ABCC9: variants seen among roughly 807,000 people sequenced by gnomAD.
ABCC9 encodes the protein ATP-binding cassette sub-family C member 9.
Under a neutral mutation model 188.3 loss-of-function variants are expected in ABCC9, and 95 were observed. The ratio of observed to expected loss-of-function variants is 0.50; its 90% confidence interval spans 0.43 to 0.60. The LOEUF (loss-of-function observed/expected upper bound fraction) is 0.60, where lower values mean the gene tolerates loss of function less well. Ranked by LOEUF, ABCC9 falls within the 20% of genes least tolerant of loss-of-function variation. The pLI, the probability that ABCC9 is intolerant of heterozygous loss-of-function variation, is 0.00. For missense variants in ABCC9, 1,102 were observed against 1,876.3 expected, an observed-to-expected ratio of 0.59 and a Z score of 7.62; for synonymous variants, 659 against 652.7, an observed-to-expected ratio of 1.01 and a Z score of -0.15.
At chr12:21,892,619 C>CTA (rs1296099858) in intron 14 of ABCC9, among the ~76,000 whole-genome samples, 2 of 152,184 alleles carry the variant, frequency 1.3e-5, no homozygotes, top group African/African-American at 2.4e-5. Context: ...GGCTTGAGCT[C>CTA]TAGACACTAA....
intron 18 of ABCC9, among the ~76,000 whole-genome samples, chr12:21,865,990 G>A (rs969706996): frequency 6.6e-6 from 1 of 151,330 alleles, no homozygotes; most frequent in African/African-American, 2.4e-5. Context: ...AGAGCACCAA[G>A]CCACTTTTAG....
intron 16 of ABCC9, among the ~76,000 whole-genome samples, chr12:21,877,749 T>C (rs796368788): frequency 1.3e-5 from 2 of 152,184 alleles, no homozygotes; most frequent in East Asian, 3.9e-4. Flanking sequence ...GACAGCTGCA[T>C]AGCTACTGTA....
chr12:21,868,408 G>C (rs983568507), intron 18 of ABCC9, among the ~76,000 whole-genome samples: 8 of 152,194 alleles, frequency 5.3e-5, no homozygotes, highest in African/African-American at 1.9e-4. Flanking sequence ...GGGAGGCCGA[G>C]ACAGGCGGAT....
At chr12:21,930,402 T>A (rs1330597008) in intron 4 of ABCC9, among the ~76,000 whole-genome samples, 5 of 152,006 alleles carry the variant, frequency 3.3e-5, no homozygotes, top group Non-Finnish European at 7.4e-5. Context: ...AAATTCAAAT[T>A]TTTTTTTACA....
At chr12:21,937,297 C>T (rs916956253) in intron 2 of ABCC9, among the ~76,000 whole-genome samples, 4 of 152,140 alleles carry the variant, frequency 2.6e-5, no homozygotes, top group African/African-American at 4.8e-5. Context: ...GACAAGTCAA[C>T]GAAACTACTC....
intron 25 of ABCC9, 63 bp downstream of exon 25, chr12:21,848,087 A>T: frequency 6.8e-7 from 1 of 1,460,990 alleles, no homozygotes; most frequent in Non-Finnish European, 9.6e-7. Flanking sequence ...ACACTCACAC[A>T]TAAAAAACCC....
intron 12 of ABCC9, among the ~76,000 whole-genome samples, chr12:21,900,954 C>T (rs1038259443): frequency 1.2e-4 from 19 of 152,052 alleles, no homozygotes; most frequent in Admixed American, 5.9e-4. Context: ...ATACAGAGAA[C>T]GCCACAAAGA....
rs144825585 is a variant in ABCC9 at position 21,926,079 on chromosome 12, C to T, written c.285-16G>A. ...TTCCCGCCGCCTAGAAAGAGCAGTA[C>T]GTCAACGCCTAAAGCTGATGGTTCC... On this transcript the variant is annotated splice_polypyrimidine_tract_variant and intron_variant, in intron 4 of 39. Transcript: ENST00000261200. 1,292 of 1,613,852 alleles carry T rather than the reference C, an allele frequency of 8.0e-4. 7 individuals carry two copies. In the African/African-American group the frequency reaches 0.013, roughly 17 times the overall value.
intron 30 of ABCC9, among the ~76,000 whole-genome samples, chr12:21,837,589 C>A (rs1944166954): frequency 6.6e-6 from 1 of 151,990 alleles, no homozygotes; most frequent in African/African-American, 2.4e-5. Flanking sequence ...GTTTACAAAC[C>A]TTGAAGAAAA....
Position 21,823,175 on chromosome 12 carries a change from T to C in ABCC9, c.3670-4924A>G, listed in dbSNP as rs532399613. ...ACATTCAAAAGAGGGCTTTTATCTG[T>C]AGAATAGTAAATTACAGCTTCCATC... On this transcript the variant is annotated intron_variant, in intron 31 of 39. Coordinates refer to ENST00000261200, the MANE Select transcript of ABCC9 (RefSeq NM_020297.4). Among the ~76,000 whole-genome samples, 11 of 152,328 alleles carry C rather than the reference T, an allele frequency of 7.2e-5. No homozygotes were observed. In the South Asian group the frequency reaches 1.2e-3, roughly 17 times the overall value.
intron 7 of ABCC9, among the ~76,000 whole-genome samples, chr12:21,915,466 G>A (rs1179098431): frequency 4.3e-4 from 3 of 7,038 alleles, no homozygotes; most frequent in South Asian, 7.5e-3. Context: ...GTGTGTATAT[G>A]TGTGTGTATA....
intron 24 of ABCC9, 60 bp downstream of exon 24, chr12:21,852,037 T>G (rs1479954635): frequency 1.7e-5 from 27 of 1,594,442 alleles, no homozygotes; most frequent in Non-Finnish European, 2.2e-5. Flanking sequence ...TCTTAGTAAT[T>G]AGTAAATTTC....
At position 21,797,409 on chromosome 12, in the gene ABCC9, A is replaced by G. The variant is rs2033440616; in HGVS notation, c.*3635T>C. On this transcript the variant is annotated 3_prime_UTR_variant, in exon 40 of 40. Transcript: ENST00000261200. The stretch of plus-strand genomic sequence containing the variant: ...CCCTCTTTAAGCAAATAAAAGAGTA[A>G]TTTAATTATGTAATAGTAGTCCAAT... 1.3e-5 allele frequency: 2 copies of G among 152,208 alleles called. No homozygotes were observed. The allele number at this position is 152,208 out of a possible 1,614,324, so 9.4% of individuals were successfully genotyped here.
At chr12:21,868,839 C>A (rs561207661) in intron 18 of ABCC9, among the ~76,000 whole-genome samples, 1 of 152,104 alleles carries the variant, frequency 6.6e-6, no homozygotes, top group Non-Finnish European at 1.5e-5. Context: ...TCAATAATTT[C>A]TAAATTAGCT....
Position 21,799,776 on chromosome 12 carries a change from C to CA in ABCC9, c.*1267dup, listed in dbSNP as rs201459464. Reference sequence around the variant, plus strand: ...GTGGATCTTCATATGAAAAAGAAATCAATGATATTGACACTGGATGGGCAC... The same window carrying CA: ...GTGGATCTTCATATGAAAAAGAAATCAAATGATATTGACACTGGATGGGCAC... On this transcript the variant is annotated 3_prime_UTR_variant, in exon 40 of 40. Transcript: ENST00000261200. 7.9e-5 allele frequency: 12 copies of CA among 152,200 alleles called. No individual in the cohort carries two copies. In the East Asian group the frequency reaches 2.3e-3, roughly 29 times the overall value. 9.4% of individuals were successfully genotyped at this position (152,200 alleles called of 1,614,324 possible). A position where few individuals can be genotyped will look rare whatever the true frequency, so the allele number is the denominator to read the frequency against.
intron 30 of ABCC9, 103 bp downstream of exon 30, chr12:21,837,975 G>A (rs1944189196): frequency 1.0e-6 from 1 of 973,410 alleles, no homozygotes; most frequent in Non-Finnish European, 1.6e-6. Context: ...GGCACACAAT[G>A]GGGAGATCAA....
At chr12:21,822,122 T>C (rs1047486038) in intron 31 of ABCC9, among the ~76,000 whole-genome samples, 3 of 152,150 alleles carry the variant, frequency 2.0e-5, no homozygotes, top group Non-Finnish European at 4.4e-5. Context: ...AAATCTACAA[T>C]CAACTAAATT....
At chr12:21,903,048 A>G (rs181777476) in intron 12 of ABCC9, among the ~76,000 whole-genome samples, 1 of 152,212 alleles carries the variant, frequency 6.6e-6, no homozygotes, top group African/African-American at 2.4e-5. Context: ...CCTCAATAAA[A>G]TACTGGTAAA....
intron 5 of ABCC9, among the ~76,000 whole-genome samples, chr12:21,917,791 C>T (rs895294941): frequency 6.6e-6 from 1 of 152,114 alleles, no homozygotes; most frequent in Non-Finnish European, 1.5e-5. Flanking sequence ...AGAGACTTTC[C>T]TAGAAATATT....
Sources: gnomAD v4.1 joint callset for allele counts (sites outside exome capture counted in the v4.1 genomes callset) on GRCh38, gnomAD v4.1.1 for gene constraint, MANE v1.5 for transcripts, NCBI Gene and HGNC (gene_info 2026-07-23, HGNC 2026-07-21) for gene names.